VAV3: variants seen among roughly 807,000 people sequenced by gnomAD.
VAV3 encodes vav guanine nucleotide exchange factor 3.
In VAV3, 94 loss-of-function variants were observed where a neutral mutation model predicts 131.2. The observed-to-expected ratio is 0.72, with a 90% confidence interval of 0.61 to 0.85. The LOEUF (loss-of-function observed/expected upper bound fraction) is 0.85, where lower values mean the gene tolerates loss of function less well. Among genes scored for constraint, VAV3 ranks in the 40% least tolerant of loss-of-function variants. The pLI, the probability that VAV3 is intolerant of heterozygous loss-of-function variation, is 0.00. For missense variants in VAV3, 939 were observed against 1,002.7 expected (o/e 0.94, Z 0.86); for synonymous variants, 349 against 342.0 (o/e 1.02, Z -0.22).
intron 1 of VAV3, among the ~76,000 whole-genome samples, chr1:107,926,095 C>A (rs1371700098): frequency 6.6e-6 from 1 of 151,922 alleles, no homozygotes; most frequent in Non-Finnish European, 1.5e-5. Flanking sequence ...GCCTGGCCAA[C>A]ATGGTGAAGC....
At chr1:107,602,969 A>T in intron 23 of VAV3, 78 bp downstream of exon 23, 1 of 1,129,306 alleles carries the variant, frequency 8.9e-7, no homozygotes, top group Non-Finnish European at 1.3e-6. Context: ...TTTCACCTTC[A>T]GTGTTATACA....
intron 26 of VAV3, 25 bp downstream of exon 26, chr1:107,574,022 C>A (rs779173006): frequency 3.1e-6 from 5 of 1,611,072 alleles, no homozygotes; most frequent in Non-Finnish European, 4.2e-6. Flanking sequence ...TCACATGCAC[C>A]AGCACATCGA....
rs1446734906 is a variant in VAV3, at chr1:107,631,152, T to G, written c.1914+11467A>C. The stretch of plus-strand genomic sequence containing the variant: ...ATCAAAGCCAAAGTATTGTAACACC[T>G]ATTTTTTTTTGAGACATAAAATATA... On this transcript the variant is annotated intron_variant, in intron 20 of 26. Transcript: ENST00000370056. 2.6e-5 allele frequency among the ~76,000 whole-genome samples: 4 copies of G among 152,076 alleles called. No homozygotes were observed. The East Asian group carries it at 7.7e-4, about 29-fold the overall frequency.
intron 1 of VAV3, among the ~76,000 whole-genome samples, chr1:107,931,443 A>G (rs1673434629): frequency 6.6e-6 from 1 of 152,244 alleles, no homozygotes. Context: ...ACATTTTTAA[A>G]GAATAAAGGG....
intron 1 of VAV3, among the ~76,000 whole-genome samples, chr1:107,921,057 T>C (rs542206135): frequency 6.6e-6 from 1 of 152,368 alleles, no homozygotes; most frequent in South Asian, 2.1e-4. Flanking sequence ...TTCACTCTGC[T>C]CCTTGCAAGA....
chr1:107,860,101 G>A (rs1315136089), intron 2 of VAV3, among the ~76,000 whole-genome samples: 1 of 152,056 alleles, frequency 6.6e-6, no homozygotes, highest in Non-Finnish European at 1.5e-5. Context: ...ATAGATAGTA[G>A]ATGAATCAAA....
chr1:107,722,662 C>T (rs116229361), intron 15 of VAV3, among the ~76,000 whole-genome samples: 97 of 152,176 alleles, frequency 6.4e-4, no homozygotes, highest in African/African-American at 2.1e-3. Flanking sequence ...TAAGAGGACA[C>T]GCCTGGGCCT....
chr1:107,856,634 C>T (rs763639351), intron 2 of VAV3, among the ~76,000 whole-genome samples: 3 of 152,082 alleles, frequency 2.0e-5, no homozygotes, highest in Non-Finnish European at 2.9e-5. Context: ...AAGTTTAATT[C>T]TCTTGTTTAG....
intron 1 of VAV3, among the ~76,000 whole-genome samples, chr1:107,958,245 T>C (rs1674912069): frequency 6.6e-6 from 1 of 152,236 alleles, no homozygotes; most frequent in African/African-American, 2.4e-5. Flanking sequence ...GAAATAACAG[T>C]TCTTCCTCCT....
intron 20 of VAV3, among the ~76,000 whole-genome samples, chr1:107,630,110 G>T (rs1329706996): frequency 6.6e-6 from 1 of 152,154 alleles, no homozygotes; most frequent in Non-Finnish European, 1.5e-5. Flanking sequence ...TTTAACGCTA[G>T]ATATATTTGC....
intron 2 of VAV3, among the ~76,000 whole-genome samples, chr1:107,799,417 C>T (rs1158214845): frequency 6.6e-6 from 1 of 151,478 alleles, no homozygotes; most frequent in East Asian, 1.9e-4. Context: ...TTTTCATATC[C>T]ATATTTGTAA....
intron 2 of VAV3, among the ~76,000 whole-genome samples, chr1:107,837,991 G>A (rs1056811525): frequency 2.0e-5 from 3 of 152,088 alleles, no homozygotes; most frequent in African/African-American, 7.2e-5. Flanking sequence ...AATAATTCAT[G>A]GTCAAGTTCT....
chr1:107,734,717 T>C (rs1033697211), intron 15 of VAV3, among the ~76,000 whole-genome samples: 3 of 152,154 alleles, frequency 2.0e-5, no homozygotes, highest in Admixed American at 2.0e-4. Flanking sequence ...AAGCAAGTCT[T>C]TAGAGACCTA....
intron 17 of VAV3, among the ~76,000 whole-genome samples, chr1:107,693,648 C>G (rs1429751492): frequency 6.6e-6 from 1 of 152,130 alleles, no homozygotes; most frequent in Non-Finnish European, 1.5e-5. Context: ...TAGCCACATC[C>G]TATAACATCA....
intron 2 of VAV3, among the ~76,000 whole-genome samples, chr1:107,838,322 G>A (rs1571022446): frequency 6.6e-6 from 1 of 152,090 alleles, no homozygotes; most frequent in African/African-American, 2.4e-5. Context: ...TCTCAAAAGA[G>A]AACACACAAG....
At chr1:107,714,692 G>A (rs1570807987) in intron 15 of VAV3, among the ~76,000 whole-genome samples, 3 of 151,900 alleles carry the variant, frequency 2.0e-5, no homozygotes, top group Admixed American at 1.3e-4. Flanking sequence ...GCAAGAAAAC[G>A]AAAAACAAAC....
At position 107,617,554 on chromosome 1, in the gene VAV3, T is replaced by C. The variant is rs1653252333; in HGVS notation, c.1980+13A>G. ...AAAATGAAGCAAGAGAAAATTAAGA[T>C]ACTAATACTTACACATGGGCAAGGC... is the stretch of plus-strand genomic sequence containing the variant. On this transcript the variant is annotated intron_variant, in intron 21 of 26. Transcript: ENST00000370056. The C allele has an allele frequency of 6.2e-7, 1 of 1,604,616 alleles. No individual in the cohort carries two copies. Among genetic ancestry groups the C allele is most frequent in the Non-Finnish European group, 8.5e-7 (1 of 1,175,524 alleles).
intron 19 of VAV3, among the ~76,000 whole-genome samples, chr1:107,681,882 C>A (rs894996064): frequency 7.2e-5 from 11 of 151,934 alleles, no homozygotes; most frequent in African/African-American, 4.8e-5. Context: ...GGATGGTCTC[C>A]ATCTCCTGAC....
chr1:107,673,865 G>T (rs1274329782), intron 19 of VAV3, among the ~76,000 whole-genome samples: 3 of 152,096 alleles, frequency 2.0e-5, no homozygotes, highest in African/African-American at 4.8e-5. Flanking sequence ...GAGGATTATA[G>T]GTAATTTGTC....
Sources: gnomAD v4.1 joint callset for allele counts (sites outside exome capture counted in the v4.1 genomes callset) on GRCh38, gnomAD v4.1.1 for gene constraint, MANE v1.5 for transcripts, NCBI Gene and HGNC (gene_info 2026-07-23, HGNC 2026-07-21) for gene names.